KIAA1328: variants seen among roughly 807,000 people sequenced by gnomAD.
The protein encoded by KIAA1328 is KIAA1328.
KIAA1328 carries 52 observed loss-of-function variants against 68.1 expected under a neutral mutation model. The observed-to-expected ratio is 0.76, with a 90% CI of 0.61 to 0.96. The LOEUF is 0.96. KIAA1328 is among the 40% of genes least tolerant of loss of function. The pLI is 0.00. For synonymous variants in KIAA1328, 232 were observed against 239.4 expected (o/e 0.97, Z 0.28); for missense variants, 641 against 677.6 (o/e 0.95, Z 0.60).
chr18:36,906,290 G>A (rs1306541648), intron 5 of KIAA1328, among the ~76,000 whole-genome samples: 2 of 152,116 alleles, frequency 1.3e-5, no homozygotes, highest in East Asian at 3.9e-4. Flanking sequence ...TCACCATACA[G>A]TATCATACAG....
At chr18:36,854,888 T>C (rs1287382301) in intron 4 of KIAA1328, among the ~76,000 whole-genome samples, 2 of 152,206 alleles carry the variant, frequency 1.3e-5, no homozygotes, top group African/African-American at 2.4e-5. Flanking sequence ...CTATTCTTGA[T>C]ATTTTATATA....
chr18:36,985,540 A>T (rs1304654853), intron 6 of KIAA1328, among the ~76,000 whole-genome samples: 1 of 152,138 alleles, frequency 6.6e-6, no homozygotes, highest in Non-Finnish European at 1.5e-5. Flanking sequence ...ACAAAAATGG[A>T]CCCAAAGAAA....
intron 6 of KIAA1328, among the ~76,000 whole-genome samples, chr18:37,017,663 A>C (rs571388859): frequency 6.6e-6 from 1 of 152,290 alleles, no homozygotes; most frequent in South Asian, 2.1e-4. Context: ...GTGTATATCT[A>C]TACTTAGGAT....
chr18:36,842,032 T>G (rs139660067), intron 3 of KIAA1328, among the ~76,000 whole-genome samples: 3 of 152,308 alleles, frequency 2.0e-5, no homozygotes, highest in Admixed American at 2.0e-4. Context: ...TCAGTTATTT[T>G]AACTTAGAAT....
chr18:36,934,943 T>C (rs1382697146), intron 5 of KIAA1328, among the ~76,000 whole-genome samples: 1 of 152,212 alleles, frequency 6.6e-6, no homozygotes, highest in Non-Finnish European at 1.5e-5. Flanking sequence ...AAAGGGCAAA[T>C]CACTTTAAAA....
intron 4 of KIAA1328, among the ~76,000 whole-genome samples, chr18:36,848,540 G>GTTTTTTTTTTT (rs1255836938): frequency 1.9e-5 from 1 of 53,340 alleles, no homozygotes; most frequent in Non-Finnish European, 3.3e-5. Flanking sequence ...ATCTATAGAT[G>GTTTTTTTTTTT]CTTTTTTTTT....
intron 7 of KIAA1328, among the ~76,000 whole-genome samples, chr18:37,098,691 A>T (rs2057496342): frequency 6.6e-6 from 1 of 152,114 alleles, no homozygotes; most frequent in African/African-American, 2.4e-5. Flanking sequence ...TCGGCTGTGA[A>T]TCCGTCTGGT....
At chr18:36,930,487 G>C (rs1283590000) in intron 5 of KIAA1328, among the ~76,000 whole-genome samples, 2 of 152,086 alleles carry the variant, frequency 1.3e-5, no homozygotes, top group Non-Finnish European at 2.9e-5. Flanking sequence ...TATTTTTATA[G>C]GTGAGTTAAA....
chr18:37,159,347 G>A (rs1464937585), intron 7 of KIAA1328, among the ~76,000 whole-genome samples: 2 of 152,130 alleles, frequency 1.3e-5, no homozygotes, highest in African/African-American at 4.8e-5. Flanking sequence ...CTTTGCTTCT[G>A]GGGAGTTTAA....
chr18:37,224,943 TG>T lies in KIAA1328; in HGVS notation c.*2717del. The T allele has an allele frequency of 1.0e-6, 1 of 985,398 alleles. No individual in the cohort carries two copies. Among genetic ancestry groups the T allele is most frequent in the Non-Finnish European group, 1.2e-6 (1 of 829,926 alleles). 61.0% of individuals were successfully genotyped at this position (985,398 alleles called of 1,614,324 possible). On this transcript the variant is annotated 3_prime_UTR_variant, in exon 10 of 10. Coordinates refer to ENST00000280020, the MANE Select transcript of KIAA1328 (RefSeq NM_020776.3). Reference sequence around the variant, plus strand: ...CAGTTCTTGATGCAGAGAACCAAAGTGAATCATAGAAAAGCTTTTGCTAACA... The same window carrying T: ...CAGTTCTTGATGCAGAGAACCAAAGTAATCATAGAAAAGCTTTTGCTAACA...
At chr18:36,976,200 C>T (rs139301677) in intron 6 of KIAA1328, among the ~76,000 whole-genome samples, 1 of 152,244 alleles carries the variant, frequency 6.6e-6, no homozygotes, top group Non-Finnish European at 1.5e-5. Flanking sequence ...TATTAATAGA[C>T]ACCTGTGGCT....
intron 6 of KIAA1328, among the ~76,000 whole-genome samples, chr18:36,999,723 A>G (rs2053519934): frequency 6.6e-6 from 1 of 152,202 alleles, no homozygotes; most frequent in Admixed American, 6.5e-5. Flanking sequence ...TCACTGAGGA[A>G]ATTTGCTAGA....
chr18:37,015,069 A>G (rs528007012), intron 6 of KIAA1328, among the ~76,000 whole-genome samples: 1 of 151,992 alleles, frequency 6.6e-6, no homozygotes, highest in African/African-American at 2.4e-5. Context: ...TGCCCAGCTA[A>G]TTTTAGTATT....
intron 4 of KIAA1328, among the ~76,000 whole-genome samples, chr18:36,853,786 G>A (rs1017512208): frequency 1.3e-5 from 2 of 152,168 alleles, no homozygotes; most frequent in Non-Finnish European, 2.9e-5. Context: ...AGCCTCCCGC[G>A]TAGCTGTTAC....
chr18:37,229,614 A>T (rs1326449289), downstream of KIAA1328: 2 of 1,254,698 alleles, frequency 1.6e-6, no homozygotes. Context: ...GGTGGCTTAC[A>T]CCTGTAATCC....
chr18:37,089,450 T>C (rs1164092981), intron 7 of KIAA1328, among the ~76,000 whole-genome samples: 1 of 149,256 alleles, frequency 6.7e-6, no homozygotes, highest in Admixed American at 6.7e-5. Flanking sequence ...TCTCGGCTCA[T>C]TGCAACCTCC....
intron 5 of KIAA1328, among the ~76,000 whole-genome samples, chr18:36,942,404 A>G (rs1053654604): frequency 6.6e-6 from 1 of 152,214 alleles, no homozygotes; most frequent in Admixed American, 6.5e-5. Flanking sequence ...ACGCTTTGTT[A>G]GAGACATAGA....
At chr18:37,078,530 G>C (rs1479529747) in intron 7 of KIAA1328, among the ~76,000 whole-genome samples, 1 of 147,664 alleles carries the variant, frequency 6.8e-6, no homozygotes, top group Non-Finnish European at 1.5e-5. Context: ...ACTACCATCA[G>C]AGTGAACAGG....
chr18:36,892,107 C>G (rs2048709564), intron 5 of KIAA1328, among the ~76,000 whole-genome samples: 2 of 152,000 alleles, frequency 1.3e-5, no homozygotes, highest in East Asian at 3.9e-4. Flanking sequence ...AGCCAGACTA[C>G]CATGATTTGT....
Sources: allele counts gnomAD v4.1 joint callset (sites outside exome capture counted in the v4.1 genomes callset), GRCh38; gene constraint gnomAD v4.1.1; transcripts MANE v1.5; gene names NCBI Gene and HGNC (gene_info 2026-07-23, HGNC 2026-07-21).